The following BAZ2B variants were observed in gnomAD, a reference collection of about 807,000 sequenced individuals.
BAZ2B encodes the protein bromodomain adjacent to zinc finger domain protein 2B.
Under a neutral mutation model 246.0 loss-of-function variants are expected in BAZ2B, and 91 were observed. The ratio of observed to expected loss-of-function variants is 0.37; its 90% CI spans 0.31 to 0.44. The LOEUF is 0.44. BAZ2B is among the 20% of genes least tolerant of loss of function. BAZ2B has a pLI of 1.00. For synonymous variants in BAZ2B, 855 were observed against 860.0 expected (o/e 0.99, Z 0.10); for missense variants, 2,332 against 2,533.7 (o/e 0.92, Z 1.71).
At position 159,319,590 on chromosome 2, in the gene BAZ2B, T is replaced by C. The variant is rs958744831; in HGVS notation, c.*675A>G. ...AGAATGAACAGTATATACATGTCAA[T>C]TTTTTCACTGTTTTGAAATACAATT... On this transcript the variant is annotated 3_prime_UTR_variant, in exon 37 of 37. Transcript: ENST00000392783. The surrounding 1 kb of genome is among the most constrained non-coding windows in gnomAD (Gnocchi z 4.0). The C allele has an allele frequency of 1.3e-5, 2 of 152,640 alleles. No homozygotes were observed. The highest frequency in any genetic ancestry group is 2.9e-5 in the Non-Finnish European group (2 of 68,028). The allele number at this position is 152,640 out of a possible 1,614,324, so 9.5% of individuals were successfully genotyped here. A position where few individuals can be genotyped will look rare whatever the true frequency, so the allele number is the denominator to read the frequency against.
At position 159,427,958 on chromosome 2, in the gene BAZ2B, C is replaced by A. The variant is rs779141029; in HGVS notation, c.2449G>T (p.Ala817Ser). 6.2e-7 allele frequency: 1 copy of A among 1,613,380 alleles called. No homozygotes were observed. The highest frequency in any genetic ancestry group is 8.5e-7 in the Non-Finnish European group (1 of 1,179,430). The change falls in exon 13 of 37, where the codon GCC (alanine) becomes TCC (serine). Residue 817 changes from alanine to serine, a missense_variant. Transcript: ENST00000392783. ...GTGGATACCTGCGGTCCATCTCTGG[C>A]TTCATAGAAGTCACCCACTCTTATT... ...AKIRVGDFYE[A>S]RDGPQGMQWC...
chr2:159,457,327 C>T (rs768685857), intron 3 of BAZ2B, among the ~76,000 whole-genome samples: 32 of 152,204 alleles, frequency 2.1e-4, no homozygotes, highest in Non-Finnish European at 3.8e-4. Context: ...CAAATTGGTA[C>T]TGTCATATAC....
chr2:159,630,763 T>C, the BAZ2B span, among the ~76,000 whole-genome samples: 2 of 152,080 alleles, frequency 1.3e-5, no homozygotes, highest in African/African-American at 4.8e-5. Flanking sequence ...CTCGATCTCC[T>C]GACCTCGTGA....
chr2:159,537,127 A>T (rs1305727621), intron 2 of BAZ2B, among the ~76,000 whole-genome samples: 1 of 152,214 alleles, frequency 6.6e-6, no homozygotes, highest in Admixed American at 6.5e-5. Context: ...AACTTCAAGG[A>T]CATGATACTA....
chr2:159,676,947 T>G, the BAZ2B span, among the ~76,000 whole-genome samples: 1 of 30,410 alleles, frequency 3.3e-5, no homozygotes, highest in African/African-American at 1.6e-4. Flanking sequence ...GTTAAAATAG[T>G]TTTGTTATAT....
At position 159,389,381 on chromosome 2, in the gene BAZ2B, C is replaced by T; in HGVS notation, c.3180G>A (p.Lys1060=). The change falls in exon 21 of 37, where the codon AAG becomes AAA. Residue 1060 remains lysine, a synonymous_variant. Coordinates refer to ENST00000392783, the MANE Select transcript of BAZ2B (RefSeq NM_013450.4). ...CTAAGCACATGTCTTCATTAGGCTT[C>T]TTTAGTTCCTTTGCCATTTCTAATT... The part of the protein sequence containing the change: ...RLELEMAKEL[K]KPNEDMCLAD... The T allele has an allele frequency of 1.2e-6, 2 of 1,611,760 alleles. No individual in the cohort carries two copies. Among genetic ancestry groups the T allele is most frequent in the Non-Finnish European group, 1.7e-6 (2 of 1,178,688 alleles).
chr2:159,502,918 A>G (rs894092478), intron 2 of BAZ2B, among the ~76,000 whole-genome samples: 6 of 152,224 alleles, frequency 3.9e-5, no homozygotes, highest in African/African-American at 1.4e-4. Flanking sequence ...TGGTAAAGCT[A>G]TATTAATTCA....
chr2:159,577,851 CT>C (rs1407872018), intron 1 of BAZ2B, among the ~76,000 whole-genome samples: 1 of 152,100 alleles, frequency 6.6e-6, no homozygotes, highest in East Asian at 1.9e-4. Context: ...TATAATACTG[CT>C]TTTCAAGCTA....
the BAZ2B span, among the ~76,000 whole-genome samples, chr2:159,624,887 G>A: frequency 1.6e-4 from 24 of 152,134 alleles, no homozygotes; most frequent in African/African-American, 5.5e-4. Flanking sequence ...ACTCCTCTGA[G>A]CTAAAGGAGC....
intron 2 of BAZ2B, among the ~76,000 whole-genome samples, chr2:159,512,658 T>G (rs1010752998): frequency 6.6e-6 from 1 of 152,200 alleles, no homozygotes; most frequent in Non-Finnish European, 1.5e-5. Flanking sequence ...TTGGGTTCAT[T>G]CCCAAGGTCA....
intron 6 of BAZ2B, among the ~76,000 whole-genome samples, chr2:159,441,610 C>T (rs967069096): frequency 1.3e-5 from 2 of 151,994 alleles, no homozygotes; most frequent in African/African-American, 4.8e-5. Flanking sequence ...TCTCTTTTCT[C>T]TTATTTAAAA....
At chr2:159,347,830 C>A (rs1397037288) in intron 30 of BAZ2B, among the ~76,000 whole-genome samples, 184 bp from the exon 31 acceptor site, 2 of 152,030 alleles carry the variant, frequency 1.3e-5, no homozygotes, top group African/African-American at 2.4e-5. Context: ...AAACACAAAA[C>A]AATATGCTAC....
At chr2:159,337,351 T>A (rs2065856730) in intron 32 of BAZ2B, 1 of 1,264,994 alleles carries the variant, frequency 7.9e-7, no homozygotes, top group Admixed American at 2.7e-5. Context: ...AATAGCATGA[T>A]CCGTATGGAT....
rs1441073017 is a variant in BAZ2B, at chr2:159,429,220, C to T, written c.2235G>A (p.Leu745=). Residue 745 remains leucine, a synonymous_variant, in exon 11 of 37, where the codon CTG becomes CTA. Transcript: ENST00000392783. ...KRRRVTDERE[L]RIPLEYGWQR... is the part of the protein sequence containing the mutation. The stretch of plus-strand genomic sequence containing the variant: ...CATACCCATATTCCAATGGAATACG[C>T]AGTTCACGTTCATCTGTTACTCTTC... The T allele has an allele frequency of 1.3e-6, 2 of 1,561,186 alleles. No individual in the cohort carries two copies. Among genetic ancestry groups the T allele is most frequent in the East Asian group, 2.3e-5 (1 of 44,350 alleles).
At chr2:159,698,826 G>A in the BAZ2B span, among the ~76,000 whole-genome samples, 137 of 152,130 alleles carry the variant, frequency 9.0e-4, no homozygotes, top group Non-Finnish European at 1.7e-3. Flanking sequence ...ATTTCTAATA[G>A]TTATAAATAT....
the BAZ2B span, among the ~76,000 whole-genome samples, chr2:159,647,362 G>T: frequency 1.3e-5 from 2 of 152,136 alleles, no homozygotes; most frequent in Non-Finnish European, 2.9e-5. Flanking sequence ...CAGTCTCCCA[G>T]CTCAATAGTT....
chr2:159,395,834 C>A lies in BAZ2B; in HGVS notation c.3010G>T (p.Glu1004Ter). The A allele has an allele frequency of 6.2e-7, 1 of 1,603,834 alleles. No individual in the cohort carries two copies. Among genetic ancestry groups the A allele is most frequent in the South Asian group, 1.1e-5 (1 of 88,566 alleles). ...RQQAVLLKHQERERRRQHMML... is the reference protein window; with the variant it reads ...RQQAVLLKHQ ...ATGTGTTGTCGCCTTCGCTCTCGTT[C>A]CTATTAGGCCAGATAAAATGTGGAA... The change falls in exon 20 of 37, where the codon GAA (glutamate) becomes TAA (stop). Residue 1004 changes from glutamate to a stop codon, truncating the protein, a stop_gained and splice_region_variant. Transcript: ENST00000392783. LOFTEE classifies it high-confidence loss of function.
intron 35 of BAZ2B, 134 bp from the exon 36 acceptor site, chr2:159,325,088 T>G (rs2063398859): frequency 5.3e-4 from 1 of 1,892 alleles, no homozygotes; most frequent in Non-Finnish European, 1.0e-3. Flanking sequence ...TATATATATA[T>G]ATATTATATA....
At position 159,414,977 on chromosome 2, in the gene BAZ2B, A is replaced by T. The variant is rs1307372281; in HGVS notation, c.2467-2432T>A. On this transcript the variant is annotated intron_variant, in intron 13 of 36. Coordinates refer to ENST00000392783, the MANE Select transcript of BAZ2B (RefSeq NM_013450.4). ...AGACACAAATGGAACCATTCCTTCA[A>T]CAAATTTTGGAAGGGAGAAGTAGAT... Among the ~76,000 whole-genome samples the T allele has an allele frequency of 3.3e-5, 5 of 152,138 alleles. No individual in the cohort carries two copies. The East Asian group carries it at 9.6e-4, about 29-fold the overall frequency.
Sources: gnomAD v4.1 joint callset for allele counts (sites outside exome capture counted in the v4.1 genomes callset) on GRCh38, gnomAD v4.1.1 for gene constraint, Gnocchi (gnomAD v3.1) non-coding constraint, MANE v1.5 for transcripts, NCBI Gene and HGNC (gene_info 2026-07-23, HGNC 2026-07-21) for gene names.